PAGE2B: variants seen among roughly 807,000 people sequenced by gnomAD.
The protein encoded by PAGE2B is PAGE family member 2B.
Under a neutral mutation model 7.6 loss-of-function variants are expected in PAGE2B, and 5 were observed. That is an observed-to-expected ratio of 0.66 (90% CI 0.34 to 1.38). The LOEUF is 1.38. Among genes scored for constraint, PAGE2B ranks in the 40% most tolerant of loss-of-function variants. PAGE2B has a pLI of 0.04. For missense variants in PAGE2B, 70 were observed against 78.4 expected, an observed-to-expected ratio of 0.89 and a Z score of 0.41; for synonymous variants, 29 against 26.7, an observed-to-expected ratio of 1.09 and a Z score of -0.27.
chrX:55,067,751 T>C, the PAGE2B span, among the ~76,000 whole-genome samples: 2 of 112,252 alleles, frequency 1.8e-5, no homozygotes, highest in African/African-American at 6.5e-5. Context: ...CCATGCTAAC[T>C]GGCATGAAAT....
chrX:55,065,185 CT>C, the PAGE2B span, among the ~76,000 whole-genome samples: 2 of 111,549 alleles, frequency 1.8e-5, no homozygotes, highest in East Asian at 5.6e-4. Context: ...TGGTCTATCT[CT>C]TTCTTTAGCG....
the PAGE2B span, among the ~76,000 whole-genome samples, chrX:55,031,270 TCTC>T: frequency 9.0e-6 from 1 of 111,132 alleles, no homozygotes; most frequent in South Asian, 3.8e-4. Flanking sequence ...TGACTATAGA[TCTC>T]CTCAACTATA....
At chrX:55,030,543 G>C in the PAGE2B span, among the ~76,000 whole-genome samples, 1 of 111,220 alleles carries the variant, frequency 9.0e-6, no homozygotes, top group African/African-American at 3.3e-5. Flanking sequence ...CATCGTTCTT[G>C]ATAGAGAGGA....
At chrX:55,054,584 C>G in the PAGE2B span, among the ~76,000 whole-genome samples, 1 of 112,487 alleles carries the variant, frequency 8.9e-6, no homozygotes, top group African/African-American at 3.2e-5. Context: ...GGAAGTAAAG[C>G]TTTCAGCTAA....
upstream of PAGE2B, among the ~76,000 whole-genome samples, chrX:55,071,606 G>C (rs916139087): frequency 1.8e-5 from 2 of 111,695 alleles, no homozygotes; most frequent in East Asian, 2.8e-4. Flanking sequence ...GCCTTGCTAG[G>C]TTGGGGAAGT....
chrX:55,040,050 T>G, the PAGE2B span, among the ~76,000 whole-genome samples: 1 of 111,274 alleles, frequency 9.0e-6, no homozygotes, highest in Non-Finnish European at 1.9e-5. Flanking sequence ...ATTTTCTTTT[T>G]TTTTTTTTGA....
At chrX:55,031,464 C>G in the PAGE2B span, among the ~76,000 whole-genome samples, 1 of 111,659 alleles carries the variant, frequency 9.0e-6, no homozygotes, top group African/African-American at 3.3e-5. Flanking sequence ...AGTGCCTGGC[C>G]CAAATAAATA....
At chrX:55,028,125 A>T in the PAGE2B span, among the ~76,000 whole-genome samples, 1 of 111,232 alleles carries the variant, frequency 9.0e-6, no homozygotes, top group East Asian at 2.8e-4. Context: ...CCTACCTCAT[A>T]TCTGGAGATA....
the PAGE2B span, among the ~76,000 whole-genome samples, chrX:55,041,496 T>G: frequency 1.8e-5 from 2 of 112,413 alleles, no homozygotes; most frequent in African/African-American, 6.5e-5. Context: ...ATTTCTTTGT[T>G]TCGTTGTTGT....
the PAGE2B span, among the ~76,000 whole-genome samples, chrX:55,052,651 G>A: frequency 1.1e-4 from 12 of 112,947 alleles, no homozygotes; most frequent in East Asian, 5.6e-4. Context: ...TGTTAAGCCC[G>A]TTGGAAAAGT....
At chrX:55,066,099 T>C in the PAGE2B span, among the ~76,000 whole-genome samples, 1 of 112,011 alleles carries the variant, frequency 8.9e-6, no homozygotes, top group Non-Finnish European at 1.9e-5. Context: ...CTTTTTTCTT[T>C]TTCTTTTTGA....
intron 1 of PAGE2B, 82 bp from the exon 2 acceptor site, chrX:55,075,952 A>G: frequency 1.1e-6 from 1 of 941,436 alleles, no homozygotes; most frequent in Non-Finnish European, 1.5e-6. Flanking sequence ...AAAAAATACA[A>G]ATCACCATTT....
the PAGE2B span, among the ~76,000 whole-genome samples, chrX:55,050,988 T>C: frequency 8.9e-6 from 1 of 111,827 alleles, no homozygotes; most frequent in East Asian, 2.8e-4. Context: ...TCAGGAGCTC[T>C]TGTAGGGCAG....
the PAGE2B span, among the ~76,000 whole-genome samples, chrX:55,062,975 C>T: frequency 9.0e-6 from 1 of 111,156 alleles, no homozygotes; most frequent in Non-Finnish European, 1.9e-5. Flanking sequence ...TGTTTTTATG[C>T]CAGTACTGTG....
At chrX:55,064,125 A>T in the PAGE2B span, among the ~76,000 whole-genome samples, 1 of 111,349 alleles carries the variant, frequency 9.0e-6, no homozygotes, top group Non-Finnish European at 1.9e-5. Flanking sequence ...TAGTTTGAGT[A>T]GGTTTAGTGT....
the PAGE2B span, among the ~76,000 whole-genome samples, chrX:55,048,412 C>G: frequency 1.8e-5 from 2 of 111,767 alleles, no homozygotes. Context: ...GCCATTTTCA[C>G]AATATTGATT....
Position 55,075,999 on chromosome X carries a change from T to C in PAGE2B, c.-8-35T>C, listed in dbSNP as rs760967499. 4.1e-5 allele frequency: 47 copies of C among 1,151,239 alleles called. No individual in the cohort carries two copies. The South Asian group carries it at 7.9e-4, about 19-fold the overall frequency. The allele number at this position is 1,151,239 out of a possible 1,213,427, so 94.9% of individuals were successfully genotyped here. A position where few individuals can be genotyped will look rare whatever the true frequency, so the allele number is the denominator to read the frequency against. ...GTTCATATATATAGCTAAGTTCTTA[T>C]ACACTTTTTCCAAATAACAGTATTC... On this transcript the variant is annotated intron_variant, in intron 1 of 4. Coordinates refer to ENST00000374971, the MANE Select transcript of PAGE2B (RefSeq NM_001015038.3).
At chrX:55,038,580 A>G in the PAGE2B span, among the ~76,000 whole-genome samples, 3 of 111,739 alleles carry the variant, frequency 2.7e-5, no homozygotes, top group Non-Finnish European at 5.6e-5. Flanking sequence ...TGAATGGCAC[A>G]TGAGGGTTTA....
the PAGE2B span, among the ~76,000 whole-genome samples, chrX:55,036,296 T>C: frequency 8.9e-4 from 99 of 111,207 alleles, 1 homozygote; most frequent in Middle Eastern, 4.6e-3. Context: ...CTTTATTTCC[T>C]TCTCCTGCCT....
Sources: gnomAD v4.1 joint callset for allele counts (sites outside exome capture counted in the v4.1 genomes callset) on GRCh38, gnomAD v4.1.1 for gene constraint, MANE v1.5 for transcripts, NCBI Gene and HGNC (gene_info 2026-07-23, HGNC 2026-07-21) for gene names.